Variants in AKAP6 observed in about 807,000 individuals in gnomAD.
AKAP6 encodes A-kinase anchor protein 6.
AKAP6 carries 58 observed loss-of-function variants against 188.5 expected under a neutral mutation model. The observed-to-expected ratio is 0.31, with a 90% CI of 0.25 to 0.38. The LOEUF (loss-of-function observed/expected upper bound fraction) is 0.38, where lower values mean the gene tolerates loss of function less well. AKAP6 is among the 10% of genes least tolerant of loss of function. AKAP6 has a pLI of 1.00. For missense variants in AKAP6, 2,710 were observed against 2,740.0 expected (o/e 0.99, Z 0.24); for synonymous variants, 989 against 998.6 (o/e 0.99, Z 0.18).
At position 32,404,146 on chromosome 14, in the gene AKAP6, T is replaced by C. The variant is rs1211755307; in HGVS notation, c.-34-29314T>C. 4.6e-5 allele frequency among the ~76,000 whole-genome samples: 7 copies of C among 152,222 alleles called. No homozygotes were observed. The East Asian group carries it at 1.4e-3, about 29-fold the overall frequency. Reference sequence around the variant, plus strand: ...TAACAAAAATATTCTAAGAAAAACTTTTAGTAGAGTCTTTTAGTCATCTTT... The same window carrying C: ...TAACAAAAATATTCTAAGAAAAACTCTTAGTAGAGTCTTTTAGTCATCTTT... On this transcript the variant is annotated intron_variant, in intron 1 of 13. Coordinates refer to ENST00000280979, the MANE Select transcript of AKAP6 (RefSeq NM_004274.5).
chr14:32,443,717 T>C (rs1430154945), intron 2 of AKAP6, among the ~76,000 whole-genome samples: 2 of 152,154 alleles, frequency 1.3e-5, no homozygotes, highest in Admixed American at 6.5e-5. Context: ...ACTTCTTCAG[T>C]TTTTCAAGTA....
chr14:32,770,583 GC>G (rs1402250919), intron 11 of AKAP6, among the ~76,000 whole-genome samples: 2 of 151,980 alleles, frequency 1.3e-5, no homozygotes, highest in Non-Finnish European at 2.9e-5. Context: ...AACACACCAG[GC>G]ACTCCCACTG....
intron 2 of AKAP6, among the ~76,000 whole-genome samples, chr14:32,452,416 A>G (rs904920551): frequency 6.6e-6 from 1 of 152,192 alleles, no homozygotes; most frequent in African/African-American, 2.4e-5. Context: ...ATTCATGGAT[A>G]TATAGGTTGC....
At position 32,764,957 on chromosome 14, in the gene AKAP6, C is replaced by T. The variant is rs190244969; in HGVS notation, c.3373-8721C>T. The stretch of plus-strand genomic sequence containing the variant: ...TCTTTTTTTTTTTTTTTTTTTGAGA[C>T]GGAATCTCTCTCTGTCACCAGGGCT... On this transcript the variant is annotated intron_variant, in intron 11 of 13. Transcript: ENST00000280979. Among the ~76,000 whole-genome samples, 1,189 of 128,210 alleles carry T rather than the reference C, an allele frequency of 9.3e-3. 14 individuals carry two copies. Among genetic ancestry groups the T allele is most frequent in the African/African-American group, 0.032 (1,068 of 33,440 alleles). 84.1% of individuals were successfully genotyped at this position (128,210 alleles called of 152,430 possible).
intron 1 of AKAP6, among the ~76,000 whole-genome samples, chr14:32,386,705 C>G (rs1241945100): frequency 6.6e-6 from 1 of 152,060 alleles, no homozygotes; most frequent in Non-Finnish European, 1.5e-5. Flanking sequence ...AAGGGTTTTT[C>G]TAATGTTATC....
intron 9 of AKAP6, among the ~76,000 whole-genome samples, chr14:32,710,688 A>G (rs1226983831): frequency 6.6e-6 from 1 of 152,074 alleles, no homozygotes; most frequent in African/African-American, 2.4e-5. Flanking sequence ...TCATTGAAAC[A>G]TTTTAGGCTT....
chr14:32,685,175 GATTGC>G (rs1889856717), intron 8 of AKAP6, among the ~76,000 whole-genome samples: 1 of 152,028 alleles, frequency 6.6e-6, no homozygotes, highest in African/African-American at 2.4e-5. Flanking sequence ...GAGGCAGGAG[GATTGC>G]TTGAGCCCAG....
intron 2 of AKAP6, among the ~76,000 whole-genome samples, chr14:32,483,069 A>G (rs917953384): frequency 1.3e-5 from 2 of 151,554 alleles, no homozygotes; most frequent in African/African-American, 2.4e-5. Flanking sequence ...GTAATCTTAC[A>G]CTAATTTACA....
intron 3 of AKAP6, among the ~76,000 whole-genome samples, chr14:32,538,669 C>T (rs1162967011): frequency 6.6e-6 from 1 of 152,048 alleles, no homozygotes; most frequent in Non-Finnish European, 1.5e-5. Context: ...TGTTGTTCTG[C>T]AATTTTCTAT....
At chr14:32,598,198 C>T (rs539952597) in intron 5 of AKAP6, among the ~76,000 whole-genome samples, 1 of 152,284 alleles carries the variant, frequency 6.6e-6, no homozygotes, top group East Asian at 1.9e-4. Flanking sequence ...AAACTTCTAT[C>T]AAATATTCTT....
intron 1 of AKAP6, among the ~76,000 whole-genome samples, chr14:32,351,383 C>T (rs1031795178): frequency 1.3e-5 from 2 of 151,928 alleles, no homozygotes; most frequent in Admixed American, 1.3e-4. Context: ...GCCAACATGG[C>T]GAAAGCCCAT....
At chr14:32,737,826 A>G (rs1447212011) in intron 11 of AKAP6, among the ~76,000 whole-genome samples, 3 of 152,194 alleles carry the variant, frequency 2.0e-5, no homozygotes, top group Non-Finnish European at 4.4e-5. Context: ...TGCATATGAA[A>G]AGGAAAACCC....
chr14:32,546,478 T>A lies in AKAP6; in HGVS notation c.1825T>A (p.Ser609Thr), dbSNP rs1169137735. ...ACACAAAAGCAAAAAAGGTCAAGCC[T>A]CCTCTCCAAGTCACGTCACTAGGAA... ...SKHKSKKGQA[S>T]SPSHVTRNGE... Residue 609 changes from serine to threonine, a missense_variant, in exon 4 of 14, where the codon TCC (serine) becomes ACC (threonine). Transcript: ENST00000280979. 4.3e-6 allele frequency: 7 copies of A among 1,614,000 alleles called. No individual in the cohort carries two copies. The highest frequency in any genetic ancestry group is 5.1e-6 in the Non-Finnish European group (6 of 1,180,020).
intron 1 of AKAP6, among the ~76,000 whole-genome samples, chr14:32,368,300 A>G (rs1887899481): frequency 6.6e-6 from 1 of 152,192 alleles, no homozygotes; most frequent in African/African-American, 2.4e-5. Context: ...TCGTTAATTC[A>G]GCAGTTATTT....
rs540985112 is a variant in AKAP6 at position 32,770,438 on chromosome 14, T to A, written c.3373-3240T>A. On this transcript the variant is annotated intron_variant, in intron 11 of 13. Coordinates refer to ENST00000280979, the MANE Select transcript of AKAP6 (RefSeq NM_004274.5). The stretch of plus-strand genomic sequence containing the variant: ...TTTATAGTTTTCTAGGAAGGCAATA[T>A]GACTATGCATGGGAACCAACATGAT... 5.9e-5 allele frequency among the ~76,000 whole-genome samples: 9 copies of A among 152,330 alleles called. No individual in the cohort carries two copies. In the East Asian group the frequency reaches 1.7e-3, roughly 29 times the overall value.
chr14:32,396,288 A>G (rs1330563316), intron 1 of AKAP6, among the ~76,000 whole-genome samples: 2 of 152,138 alleles, frequency 1.3e-5, no homozygotes, highest in African/African-American at 4.8e-5. Flanking sequence ...TTTAGCTTTC[A>G]CTGCCATGTC....
rs1386112936 is a variant in AKAP6 at position 32,510,149 on chromosome 14, GT to G, written c.325-25404del. Among the ~76,000 whole-genome samples the G allele has an allele frequency of 1.2e-4, 18 of 151,698 alleles. No individual in the cohort carries two copies. The Admixed American group carries it at 1.2e-3, about 10-fold the overall frequency. On this transcript the variant is annotated intron_variant, in intron 2 of 13. Coordinates refer to ENST00000280979, the MANE Select transcript of AKAP6 (RefSeq NM_004274.5). ...CCAGGGCTCTTACACAAAAGCCTTT[GT>G]GTTATTTTTTCCTCCCTCTGCCCAG...
intron 12 of AKAP6, among the ~76,000 whole-genome samples, chr14:32,785,552 GA>G (rs1388552029): frequency 4.6e-5 from 7 of 152,082 alleles, no homozygotes; most frequent in Non-Finnish European, 7.4e-5. Context: ...CAGTTTTCTT[GA>G]ATCCAAAGAC....
chr14:32,432,221 A>G (rs1890249046), intron 1 of AKAP6, among the ~76,000 whole-genome samples: 1 of 152,188 alleles, frequency 6.6e-6, no homozygotes, highest in Non-Finnish European at 1.5e-5. Context: ...AGTATAAAAG[A>G]AAAATAAATT....
Sources: gnomAD v4.1 joint callset for allele counts (sites outside exome capture counted in the v4.1 genomes callset) on GRCh38, gnomAD v4.1.1 for gene constraint, MANE v1.5 for transcripts, NCBI Gene and HGNC (gene_info 2026-07-23, HGNC 2026-07-21) for gene names.